OSBPL10: variants seen among roughly 807,000 people sequenced by gnomAD.
OSBPL10 encodes oxysterol binding protein like 10.
In OSBPL10, 49 loss-of-function variants were observed where a neutral mutation model predicts 81.7. The observed-to-expected ratio is 0.60, with a 90% CI of 0.48 to 0.76. OSBPL10 has a LOEUF of 0.76. OSBPL10 is among the 30% of genes least tolerant of loss of function. The pLI is 0.00. For missense variants in OSBPL10, 923 were observed against 987.8 expected, an observed-to-expected ratio of 0.93 and a Z score of 0.88; for synonymous variants, 419 against 383.6, an observed-to-expected ratio of 1.09 and a Z score of -1.08.
chr3:31,911,398 C>T (rs1446029266), intron 1 of OSBPL10, among the ~76,000 whole-genome samples: 1 of 152,014 alleles, frequency 6.6e-6, no homozygotes, highest in Admixed American at 6.6e-5. Context: ...GGGAAGTGGC[C>T]GCTGGTGGTT....
rs1700721502 is a variant in OSBPL10 at position 31,683,838 on chromosome 3, G to A, written c.1522C>T (p.Pro508Ser). ...VKPKRTASRS[P>S]ASCHEHPMAD... is the part of the protein sequence containing the mutation. Reference sequence around the variant, plus strand: ...ATTGGGTGTTCGTGACAGCTGGCAGGAGAGCGGGAAGCAGTCCTCTTAGGC... The same window carrying A: ...ATTGGGTGTTCGTGACAGCTGGCAGAAGAGCGGGAAGCAGTCCTCTTAGGC... The change falls in exon 8 of 12, where the codon CCT becomes TCT. Residue 508 changes from proline to serine, a missense_variant. Around this residue, in one of 3 missense-constraint regions of OSBPL10, gnomAD observed 387 missense variants for 436.3 expected, o/e 0.89. Coordinates refer to ENST00000396556, the MANE Select transcript of OSBPL10 (RefSeq NM_017784.5). The A allele has an allele frequency of 6.2e-7, 1 of 1,614,264 alleles. No homozygotes were observed. Among genetic ancestry groups the A allele is most frequent in the Non-Finnish European group, 8.5e-7 (1 of 1,180,048 alleles).
chr3:32,016,834 A>G (rs992293785), intron 2 of OSBPL10, among the ~76,000 whole-genome samples: 8 of 152,194 alleles, frequency 5.3e-5, no homozygotes, highest in African/African-American at 1.9e-4. Flanking sequence ...TAGCAGAGTG[A>G]TCCTGGACCA....
In OSBPL10 at chr3:31,830,064, G is replaced by A. The variant is rs139275695; in HGVS notation, c.705C>T (p.Ser235=). 4,295 of 1,613,540 alleles carry A rather than the reference G, an allele frequency of 2.7e-3. 9 individuals carry two copies. The highest frequency in any genetic ancestry group is 3.2e-3 in the Non-Finnish European group (3,785 of 1,179,904). The change falls in exon 4 of 12, where the codon TCC becomes TCT. Residue 235 remains serine (S), a synonymous_variant. Transcript: ENST00000396556. ...AAARRAKSQY[S]GQLHEVREMM... is the part of the protein sequence containing the mutation. Reference sequence around the variant, plus strand: ...CCTCTCTGACTTCGTGAAGCTGGCCGGAATACTGACTCTTGGCTCTTCGGG... The same window carrying A: ...CCTCTCTGACTTCGTGAAGCTGGCCAGAATACTGACTCTTGGCTCTTCGGG...
At chr3:31,798,155 G>A (rs1328566023) in intron 4 of OSBPL10, among the ~76,000 whole-genome samples, 1 of 152,132 alleles carries the variant, frequency 6.6e-6, no homozygotes, top group African/African-American at 2.4e-5. Flanking sequence ...TGGAGGCCAG[G>A]CGCAGTGGCT....
chr3:31,883,097 G>C (rs772245419), intron 1 of OSBPL10, among the ~76,000 whole-genome samples: 1 of 152,088 alleles, frequency 6.6e-6, no homozygotes, highest in Non-Finnish European at 1.5e-5. Flanking sequence ...CAATGCTCAT[G>C]GCAAGTTAGA....
intron 4 of OSBPL10, among the ~76,000 whole-genome samples, chr3:31,759,964 G>T (rs1326260533): frequency 6.6e-6 from 1 of 152,162 alleles, no homozygotes; most frequent in African/African-American, 2.4e-5. Context: ...GTTTTGCCAT[G>T]TTGGCCAGGC....
chr3:31,660,867 G>C lies in OSBPL10; in HGVS notation c.*1205C>G, dbSNP rs1033816770. ...TATTTGTCTAATATCTACAAAGTGT[G>C]AACAACTGGTCTTAAGAAAGCAGAC... is the stretch of plus-strand genomic sequence containing the variant. On this transcript the variant is annotated 3_prime_UTR_variant, in exon 12 of 12. Coordinates refer to ENST00000396556, the MANE Select transcript of OSBPL10 (RefSeq NM_017784.5). 7 of 152,598 alleles carry C rather than the reference G, an allele frequency of 4.6e-5. No individual in the cohort carries two copies. Among genetic ancestry groups the C allele is most frequent in the African/African-American group, 9.7e-5 (4 of 41,420 alleles). The allele number at this position is 152,598 out of a possible 1,614,324, so 9.5% of individuals were successfully genotyped here. A position where few individuals can be genotyped will look rare whatever the true frequency, so the allele number is the denominator to read the frequency against.
chr3:31,819,195 T>C (rs1345620069), intron 4 of OSBPL10, among the ~76,000 whole-genome samples: 1 of 152,158 alleles, frequency 6.6e-6, no homozygotes, highest in Non-Finnish European at 1.5e-5. Context: ...CCCCCGCTGA[T>C]ACCCACCTCT....
chr3:31,877,619 C>G (rs1701512152), intron 2 of OSBPL10, among the ~76,000 whole-genome samples: 1 of 151,366 alleles, frequency 6.6e-6, no homozygotes, highest in South Asian at 2.1e-4. Context: ...TATCTGTTTA[C>G]AAAACTGGGC....
chr3:31,884,698 A>T (rs1315915233), intron 1 of OSBPL10, among the ~76,000 whole-genome samples: 7 of 152,194 alleles, frequency 4.6e-5, no homozygotes, highest in Non-Finnish European at 8.8e-5. Flanking sequence ...GCTTCATTAA[A>T]CCAAGTGAAA....
chr3:31,691,834 C>G (rs375489826), intron 7 of OSBPL10, among the ~76,000 whole-genome samples: 5 of 151,968 alleles, frequency 3.3e-5, no homozygotes, highest in African/African-American at 1.2e-4. Flanking sequence ...GCAGAGAGGC[C>G]TCCACCACCG....
intron 4 of OSBPL10, among the ~76,000 whole-genome samples, chr3:31,774,076 C>T (rs929674495): frequency 1.3e-5 from 2 of 151,152 alleles, no homozygotes; most frequent in Non-Finnish European, 2.9e-5. Flanking sequence ...GCAGGAGAAT[C>T]GCTTGAACCT....
intron 3 of OSBPL10, among the ~76,000 whole-genome samples, chr3:31,859,823 C>T (rs373356604): frequency 3.9e-5 from 6 of 152,300 alleles, no homozygotes; most frequent in African/African-American, 1.2e-4. Flanking sequence ...CAATTCATTA[C>T]AGCACCCTTA....
rs11299797 is a variant in OSBPL10, at chr3:31,789,957, C to CT, written c.729+40082dup. Among the ~76,000 whole-genome samples, 1,189 of 149,918 alleles carry CT rather than the reference C, an allele frequency of 7.9e-3. 15 individuals are homozygous for CT. Among genetic ancestry groups the CT allele is most frequent in the Middle Eastern group, 0.017 (5 of 294 alleles). ...TACAATCATGACACACATTTTTATT[C>CT]TTTTTTTTTTGCTTAATATATTACA... On this transcript the variant is annotated intron_variant, in intron 4 of 11. Transcript: ENST00000396556.
chr3:31,760,380 G>C (rs772162742), intron 4 of OSBPL10, among the ~76,000 whole-genome samples: 2 of 152,170 alleles, frequency 1.3e-5, no homozygotes, highest in African/African-American at 4.8e-5. Context: ...ATTGGTTCCA[G>C]GACTCCGCCT....
rs1700328358 is a variant in OSBPL10 at position 31,671,748 on chromosome 3, A to G, written c.1727-765T>C. On this transcript the variant is annotated intron_variant, in intron 8 of 11. Coordinates refer to ENST00000396556, the MANE Select transcript of OSBPL10 (RefSeq NM_017784.5). Reference sequence around the variant, plus strand: ...CCTTATTCCTCTCAAAGCAATGCAGAATTTTGTTCATTTTTCTAGGGAACA... The same window carrying G: ...CCTTATTCCTCTCAAAGCAATGCAGGATTTTGTTCATTTTTCTAGGGAACA... Among the ~76,000 whole-genome samples the G allele has an allele frequency of 2.0e-5, 3 of 152,172 alleles. No homozygotes were observed. In the East Asian group the frequency reaches 5.8e-4, roughly 29 times the overall value.
chr3:31,702,544 C>A (rs758108816), intron 6 of OSBPL10, 36 bp from the exon 7 acceptor site: 2 of 1,612,552 alleles, frequency 1.2e-6, no homozygotes, highest in African/African-American at 1.3e-5. Context: ...CACCAGCTGG[C>A]CCAATAGAAG....
At chr3:31,758,912 T>C (rs899248019) in intron 4 of OSBPL10, among the ~76,000 whole-genome samples, 1 of 152,226 alleles carries the variant, frequency 6.6e-6, no homozygotes, top group African/African-American at 2.4e-5. Flanking sequence ...GAGACTATGC[T>C]TCCCAGCCTG....
At chr3:31,920,849 G>C (rs940179850) in intron 1 of OSBPL10, among the ~76,000 whole-genome samples, 1 of 152,144 alleles carries the variant, frequency 6.6e-6, no homozygotes, top group African/African-American at 2.4e-5. Context: ...CTCTCACCAT[G>C]TGATCCACTA....
Sources: gnomAD v4.1 joint callset for allele counts (sites outside exome capture counted in the v4.1 genomes callset) on GRCh38, gnomAD v4.1.1 for gene constraint, gnomAD v4.1.1 regional missense constraint, MANE v1.5 for transcripts, NCBI Gene and HGNC (gene_info 2026-07-23, HGNC 2026-07-21) for gene names.